CNOT10: variants seen among roughly 807,000 people sequenced by gnomAD.
CNOT10 encodes CCR4-NOT transcription complex subunit 10.
A neutral mutation model predicts 94.6 loss-of-function variants in CNOT10; 30 were observed. That is an observed-to-expected ratio of 0.32 (90% CI 0.24 to 0.43). The LOEUF (loss-of-function observed/expected upper bound fraction) is 0.43. Among genes scored for constraint, CNOT10 ranks in the 20% least tolerant of loss-of-function variants. The pLI is 1.00. For synonymous variants in CNOT10, 289 were observed against 301.6 expected, an observed-to-expected ratio of 0.96 and a Z score of 0.43; for missense variants, 759 against 877.2, an observed-to-expected ratio of 0.87 and a Z score of 1.70.
chr3:32,745,081 G>A (rs1699633959), intron 13 of CNOT10, among the ~76,000 whole-genome samples: 1 of 151,922 alleles, frequency 6.6e-6, no homozygotes, highest in Non-Finnish European at 1.5e-5. Flanking sequence ...GTTTCACCAT[G>A]TTGGCCAGGC....
In CNOT10 at chr3:32,754,492, AC is replaced by A. The variant is rs1559512405; in HGVS notation, c.1596-4965del. Among the ~76,000 whole-genome samples, 19 of 44,464 alleles carry A rather than the reference AC, an allele frequency of 4.3e-4. 3 individuals carry two copies. The highest frequency in any genetic ancestry group is 1.5e-3 in the African/African-American group (18 of 12,340). 29.2% of individuals were successfully genotyped at this position (44,464 alleles called of 152,430 possible). On this transcript the variant is annotated intron_variant, in intron 13 of 18. Transcript: ENST00000328834. ...ACTCCGTCTCAAAAAAAAAAAAAAT[AC>A]ATATATATATATATATTTATTTTAC...
At chr3:32,713,696 A>ATTAC (rs1697988976) in intron 5 of CNOT10, among the ~76,000 whole-genome samples, 1 of 152,208 alleles carries the variant, frequency 6.6e-6, no homozygotes, top group African/African-American at 2.4e-5. Flanking sequence ...CGTTAATCTA[A>ATTAC]TTACTGTCTC....
rs769062745 is a variant in CNOT10 at position 32,759,486 on chromosome 3, G to C, written c.1624G>C (p.Val542Leu). 4 of 1,613,902 alleles carry C rather than the reference G, an allele frequency of 2.5e-6. No individual in the cohort carries two copies. Among genetic ancestry groups the C allele is most frequent in the East Asian group, 2.2e-5 (1 of 44,874 alleles). The change falls in exon 14 of 19, where the codon GTG becomes CTG. Residue 542 changes from valine (V) to leucine (L), a missense_variant. Transcript: ENST00000328834. ...KCSILACSAYVALALGDNLMA... is the reference protein window; with the variant it reads ...KCSILACSAYLALALGDNLMA... ...CTCCATACTTGCTTGCAGTGCCTAC[G>C]TGGCTCTGGCTTTGGGTGATAACCT... is the stretch of plus-strand genomic sequence containing the variant.
chr3:32,726,194 T>C (rs1575247118), intron 9 of CNOT10, among the ~76,000 whole-genome samples: 1 of 152,140 alleles, frequency 6.6e-6, no homozygotes, highest in Non-Finnish European at 1.5e-5. Flanking sequence ...TCCTCCCACC[T>C]CAGTCTTCCA....
intron 5 of CNOT10, among the ~76,000 whole-genome samples, 153 bp downstream of exon 5, chr3:32,713,522 A>G (rs1370725513): frequency 6.6e-6 from 1 of 152,242 alleles, no homozygotes; most frequent in African/African-American, 2.4e-5. Context: ...TTCATATTAT[A>G]AGCTTTACCA....
intron 4 of CNOT10, among the ~76,000 whole-genome samples, chr3:32,711,458 T>C (rs1044213213): frequency 1.3e-5 from 2 of 152,210 alleles, no homozygotes; most frequent in African/African-American, 4.8e-5. Context: ...AACTTTTTTT[T>C]TTCTTCTAAC....
intron 13 of CNOT10, among the ~76,000 whole-genome samples, chr3:32,739,369 A>T (rs1410489909): frequency 6.6e-6 from 1 of 152,042 alleles, no homozygotes; most frequent in African/African-American, 2.4e-5. Flanking sequence ...TTCTTCTACT[A>T]ACTCTGGTTT....
intron 13 of CNOT10, among the ~76,000 whole-genome samples, chr3:32,742,769 G>A (rs1699530391): frequency 6.6e-6 from 1 of 152,146 alleles, no homozygotes; most frequent in African/African-American, 2.4e-5. Flanking sequence ...TCTTTCTCAT[G>A]GGTGCCTAGA....
chr3:32,698,760 AAGTT>A (rs1408636269), intron 1 of CNOT10, among the ~76,000 whole-genome samples: 1 of 152,102 alleles, frequency 6.6e-6, no homozygotes. Context: ...GGACTTCCCA[AAGTT>A]AGTTCTGTTG....
At chr3:32,738,482 A>C (rs1263377245) in intron 13 of CNOT10, among the ~76,000 whole-genome samples, 1 of 133,456 alleles carries the variant, frequency 7.5e-6, no homozygotes, top group Non-Finnish European at 1.6e-5. Flanking sequence ...TTTTTTTTTG[A>C]GATGGATTCT....
chr3:32,706,987 G>T (rs548810738), intron 3 of CNOT10, among the ~76,000 whole-genome samples: 1 of 152,230 alleles, frequency 6.6e-6, no homozygotes, highest in Non-Finnish European at 1.5e-5. Context: ...TTCATTGTGT[G>T]TAGTGAACCT....
chr3:32,727,784 T>A lies in CNOT10; in HGVS notation c.1129T>A (p.Cys377Ser). 6.2e-7 allele frequency: 1 copy of A among 1,614,140 alleles called. No homozygotes were observed. ...TGGAAGGCCTCTTGCTGCCTTCGAATGTCTGATTGAAGCTGTTCAGGTTTA... is the reference window on the plus strand; with the variant it reads ...TGGAAGGCCTCTTGCTGCCTTCGAAAGTCTGATTGAAGCTGTTCAGGTTTA... ...HIGRPLAAFE[C>S]LIEAVQVYHA... Residue 377 changes from cysteine (C) to serine (S), a missense_variant, in exon 10 of 19, where the codon TGT becomes AGT. Around this residue, in one of 3 missense-constraint regions of CNOT10, gnomAD observed 682 missense variants for 799.4 expected, o/e 0.85. Transcript: ENST00000328834.
At chr3:32,741,705 G>T (rs975195114) in intron 13 of CNOT10, among the ~76,000 whole-genome samples, 1 of 150,516 alleles carries the variant, frequency 6.6e-6, no homozygotes, top group Admixed American at 6.6e-5. Context: ...GGAGGCAGAG[G>T]TTGTGGTGAG....
At chr3:32,765,233 G>A (rs1246615252) in intron 17 of CNOT10, 8 of 268,808 alleles carry the variant, frequency 3.0e-5, no homozygotes, top group Admixed American at 5.0e-5. Context: ...CAGGAGAATC[G>A]CTTGAATCCG....
chr3:32,749,405 ATTTT>A (rs61077906), intron 13 of CNOT10, among the ~76,000 whole-genome samples: 2 of 96,298 alleles, frequency 2.1e-5, no homozygotes, highest in African/African-American at 4.2e-5. Flanking sequence ...TGTTGAGTTA[ATTTT>A]TTTTTTTTTT....
chr3:32,738,381 A>G (rs1699287971), intron 13 of CNOT10, among the ~76,000 whole-genome samples: 1 of 152,098 alleles, frequency 6.6e-6, no homozygotes, highest in East Asian at 1.9e-4. Flanking sequence ...CAGTGAAACC[A>G]TCTAGCCTAG....
chr3:32,690,933 C>A (rs1196185619), intron 1 of CNOT10, among the ~76,000 whole-genome samples: 1 of 151,876 alleles, frequency 6.6e-6, no homozygotes, highest in Non-Finnish European at 1.5e-5. Context: ...TATATATCTA[C>A]CCCCTAGTTC....
intron 14 of CNOT10, among the ~76,000 whole-genome samples, chr3:32,761,455 C>T (rs1700440423): frequency 6.6e-6 from 1 of 152,178 alleles, no homozygotes. Context: ...TGCAGTAGCA[C>T]AATCTCAACT....
At chr3:32,768,781 G>A (rs768981460) in intron 17 of CNOT10, among the ~76,000 whole-genome samples, 6 of 152,108 alleles carry the variant, frequency 3.9e-5, no homozygotes, top group Non-Finnish European at 7.4e-5. Flanking sequence ...AACATGCCCC[G>A]CTAGTCTGAG....
Sources: allele counts gnomAD v4.1 joint callset (sites outside exome capture counted in the v4.1 genomes callset), GRCh38; gene constraint gnomAD v4.1.1; regional missense constraint gnomAD v4.1.1; transcripts MANE v1.5; gene names NCBI Gene and HGNC (gene_info 2026-07-23, HGNC 2026-07-21).